The following TPH2 variants were observed in gnomAD, a reference collection of about 807,000 sequenced individuals.
The protein encoded by TPH2 is tryptophan hydroxylase 2, also known as tryptophan 5-hydroxylase 2.
TPH2 carries 27 observed loss-of-function variants against 59.1 expected under a neutral mutation model. That is an observed-to-expected ratio of 0.46 (90% confidence interval 0.34 to 0.63). The LOEUF (loss-of-function observed/expected upper bound fraction) is 0.63. Among genes scored for constraint, TPH2 ranks in the 30% least tolerant of loss-of-function variants. TPH2 has a pLI of 0.01. For synonymous variants in TPH2, 220 were observed against 210.5 expected, an observed-to-expected ratio of 1.05 and a Z score of -0.39; for missense variants, 523 against 588.3, an observed-to-expected ratio of 0.89 and a Z score of 1.15.
chr12:71,986,067 G>C (rs1242813873), intron 7 of TPH2, among the ~76,000 whole-genome samples: 1 of 152,206 alleles, frequency 6.6e-6, no homozygotes, highest in African/African-American at 2.4e-5. Flanking sequence ...TTCTCAAAGG[G>C]CAGTAATGCA....
intron 5 of TPH2, among the ~76,000 whole-genome samples, chr12:71,953,448 C>T (rs769643267): frequency 4.6e-5 from 7 of 152,120 alleles, no homozygotes; most frequent in Admixed American, 3.9e-4. Flanking sequence ...GGCACAGATA[C>T]TAACGAATTC....
rs1027771861 is a variant in TPH2 at position 71,959,671 on chromosome 12, A to C, written c.608+10016A>C. Reference sequence around the variant, plus strand: ...TGTAGCTTAAAGGAATACATTACTAAAGGAGTTGTGAGTGCCACATTACCT... The same window carrying C: ...TGTAGCTTAAAGGAATACATTACTACAGGAGTTGTGAGTGCCACATTACCT... On this transcript the variant is annotated intron_variant, in intron 5 of 10. Coordinates refer to ENST00000333850, the MANE Select transcript of TPH2 (RefSeq NM_173353.4). 2.0e-5 allele frequency among the ~76,000 whole-genome samples: 3 copies of C among 152,202 alleles called. No homozygotes were observed. The East Asian group carries it at 5.8e-4, about 29-fold the overall frequency.
chr12:71,964,493 T>A (rs1871761079), intron 5 of TPH2: 2 of 724,480 alleles, frequency 2.8e-6, no homozygotes, highest in South Asian at 1.2e-4. Flanking sequence ...TGATGCAGAA[T>A]ATATATATAT....
chr12:71,989,491 C>A (rs1190770589), intron 7 of TPH2, among the ~76,000 whole-genome samples: 3 of 152,210 alleles, frequency 2.0e-5, no homozygotes, highest in Admixed American at 2.0e-4. Context: ...TGCCACTCAT[C>A]TCCCTTTCCT....
intron 8 of TPH2, 146 bp from the exon 9 acceptor site, chr12:72,022,253 T>C (rs1873439754): frequency 2.9e-6 from 2 of 696,076 alleles, no homozygotes; most frequent in African/African-American, 1.8e-5. Flanking sequence ...GAGAATAGAT[T>C]TCAATAAATG....
intron 5 of TPH2, among the ~76,000 whole-genome samples, chr12:71,968,589 T>C (rs867329031): frequency 2.6e-5 from 4 of 152,188 alleles, no homozygotes; most frequent in Admixed American, 6.5e-5. Flanking sequence ...TGCTGCCCAG[T>C]AAGGGTCCGG....
intron 8 of TPH2, among the ~76,000 whole-genome samples, chr12:71,997,765 G>GA (rs5799059): frequency 6.5e-4 from 98 of 151,902 alleles, no homozygotes; most frequent in African/African-American, 1.8e-3. Flanking sequence ...GGGACAGGGG[G>GA]AAAAAAAGAG....
chr12:72,031,568 C>A lies in TPH2; in HGVS notation c.1346C>A (p.Pro449His), dbSNP rs1339161163. ...ITRPFSVYFN[P>H]YTQSIEILKD... ...CGTCCCTTCTCAGTATACTTCAATC[C>A]CTACACACAGAGTATTGAAATTCTG... The change falls in exon 11 of 11, where the codon CCC becomes CAC. Residue 449 changes from proline to histidine, a missense_variant. Transcript: ENST00000333850. The A allele has an allele frequency of 1.2e-6, 2 of 1,613,566 alleles. No homozygotes were observed. Among genetic ancestry groups the A allele is most frequent in the Middle Eastern group, 1.7e-4 (1 of 6,060 alleles).
chr12:71,949,557 G>T, intron 4 of TPH2, 31 bp from the exon 5 acceptor site: 2 of 1,590,982 alleles, frequency 1.3e-6, no homozygotes, highest in Non-Finnish European at 1.7e-6. Flanking sequence ...TCAGCACTTT[G>T]TTAAATAACT....
chr12:71,998,357 T>A (rs1592404667), intron 8 of TPH2, among the ~76,000 whole-genome samples: 1 of 152,060 alleles, frequency 6.6e-6, no homozygotes, highest in East Asian at 1.9e-4. Context: ...GTGGAGAGTA[T>A]GGAGGAGGAT....
chr12:71,984,375 G>A (rs943088378), intron 7 of TPH2, among the ~76,000 whole-genome samples: 1 of 152,092 alleles, frequency 6.6e-6, no homozygotes, highest in Admixed American at 6.5e-5. Context: ...GGAAAGCTTG[G>A]TTGCTCCTCT....
At chr12:72,002,574 A>C (rs1220860521) in intron 8 of TPH2, among the ~76,000 whole-genome samples, 1 of 152,198 alleles carries the variant, frequency 6.6e-6, no homozygotes. Flanking sequence ...GAAACAAAAC[A>C]AAACACAAAA....
chr12:71,939,138 T>TG, intron 1 of TPH2, 47 bp downstream of exon 1: 1 of 1,432,626 alleles, frequency 7.0e-7, no homozygotes, highest in Non-Finnish European at 9.8e-7. Context: ...TTTTAGGGTG[T>TG]GACCATCTTC....
chr12:71,976,181 A>T (rs1872112770), intron 6 of TPH2, among the ~76,000 whole-genome samples: 1 of 152,202 alleles, frequency 6.6e-6, no homozygotes, highest in Non-Finnish European at 1.5e-5. Flanking sequence ...TAGTAATTTT[A>T]TCTACCTCAC....
At chr12:71,979,684 GT>G (rs1173293456) in intron 7 of TPH2, among the ~76,000 whole-genome samples, 1 of 152,208 alleles carries the variant, frequency 6.6e-6, no homozygotes, top group Non-Finnish European at 1.5e-5. Flanking sequence ...TAAGCTAGGA[GT>G]GGGGAGAGAA....
chr12:72,018,553 A>T (rs1873320290), intron 8 of TPH2, among the ~76,000 whole-genome samples: 2 of 152,200 alleles, frequency 1.3e-5, no homozygotes, highest in South Asian at 4.1e-4. Flanking sequence ...CAGCATAAAA[A>T]AATTAAACAT....
At chr12:71,981,604 G>C (rs1207909190) in intron 7 of TPH2, among the ~76,000 whole-genome samples, 1 of 152,136 alleles carries the variant, frequency 6.6e-6, no homozygotes, top group Non-Finnish European at 1.5e-5. Context: ...CTACAATAGG[G>C]GTGAGACGAG....
chr12:71,979,897 G>T (rs1872226600), intron 7 of TPH2, among the ~76,000 whole-genome samples: 1 of 152,200 alleles, frequency 6.6e-6, no homozygotes, highest in Non-Finnish European at 1.5e-5. Context: ...TGGATTGTCT[G>T]GGAATGAGAC....
At chr12:72,023,170 A>T (rs1873469628) in intron 9 of TPH2, among the ~76,000 whole-genome samples, 1 of 152,156 alleles carries the variant, frequency 6.6e-6, no homozygotes, top group Non-Finnish European at 1.5e-5. Flanking sequence ...CATTTATACC[A>T]TGGGGGGATA....
Sources: allele counts gnomAD v4.1 joint callset (sites outside exome capture counted in the v4.1 genomes callset), GRCh38; gene constraint gnomAD v4.1.1; transcripts MANE v1.5; gene names NCBI Gene and HGNC (gene_info 2026-07-23, HGNC 2026-07-21).